Variants in LPCAT2 observed in about 807,000 individuals in gnomAD.
LPCAT2 encodes lysophosphatidylcholine acyltransferase 2.
LPCAT2 carries 58 observed loss-of-function variants against 64.7 expected under a neutral mutation model. That is an observed-to-expected ratio of 0.90 (90% CI 0.73 to 1.12). The LOEUF (loss-of-function observed/expected upper bound fraction) is 1.12, where lower values mean the gene tolerates loss of function less well. LPCAT2 is among the 50% of genes most tolerant of loss of function. LPCAT2 has a pLI of 0.00. For synonymous variants in LPCAT2, 252 were observed against 245.3 expected (o/e 1.03, Z -0.26); for missense variants, 579 against 669.8 (o/e 0.86, Z 1.50).
At chr16:55,544,324 A>C (rs1305273893) in intron 8 of LPCAT2, among the ~76,000 whole-genome samples, 2 of 152,200 alleles carry the variant, frequency 1.3e-5, no homozygotes, top group Non-Finnish European at 2.9e-5. Context: ...AATTGTTTAG[A>C]GAGTTAATCA....
At position 55,550,969 on chromosome 16, in the gene LPCAT2, G is replaced by T; in HGVS notation, c.1082G>T (p.Arg361Leu). 6.2e-7 allele frequency: 1 copy of T among 1,602,186 alleles called. No individual in the cohort carries two copies. Among genetic ancestry groups the T allele is most frequent in the Non-Finnish European group, 8.5e-7 (1 of 1,172,180 alleles). Residue 361 changes from arginine to leucine, a missense_variant, in exon 11 of 14, where the codon CGT (arginine) becomes CTT (leucine). Arg to Leu is a moderately radical substitution (Grantham distance 102). Transcript: ENST00000262134. ...RKLKLDWDGV[R>L]KHLDEYASIA... Reference sequence around the variant, plus strand: ...TTTAGATTAGATTGGGATGGTGTTCGTAAGCATTTGGATGAATATGCATCT... The same window carrying T: ...TTTAGATTAGATTGGGATGGTGTTCTTAAGCATTTGGATGAATATGCATCT...
intron 10 of LPCAT2, among the ~76,000 whole-genome samples, chr16:55,550,682 G>A (rs890368965): frequency 6.6e-6 from 1 of 152,170 alleles, no homozygotes; most frequent in Non-Finnish European, 1.5e-5. Flanking sequence ...TTGGGAGGCC[G>A]AGGCAGGCGG....
chr16:55,535,503 A>G (rs1446904017), intron 7 of LPCAT2, among the ~76,000 whole-genome samples: 1 of 152,214 alleles, frequency 6.6e-6, no homozygotes, highest in African/African-American at 2.4e-5. Flanking sequence ...AATTGAAGAT[A>G]CACAAATAAC....
intron 11 of LPCAT2, among the ~76,000 whole-genome samples, chr16:55,552,760 G>A (rs1020190409): frequency 1.3e-5 from 2 of 152,176 alleles, no homozygotes; most frequent in Non-Finnish European, 2.9e-5. Context: ...TAAAAAATGT[G>A]AGCAATCATC....
intron 7 of LPCAT2, among the ~76,000 whole-genome samples, chr16:55,535,097 G>A (rs772830518): frequency 3.3e-5 from 5 of 152,088 alleles, no homozygotes; most frequent in Non-Finnish European, 5.9e-5. Context: ...TCTCAAGATC[G>A]TTTGTTTAGT....
chr16:55,541,224 T>A (rs1459079769), intron 8 of LPCAT2: 4 of 152,144 alleles, frequency 2.6e-5, no homozygotes, highest in African/African-American at 9.7e-5. Context: ...GAGCTTATAG[T>A]GGCTAGCATT....
At chr16:55,552,585 G>A (rs907757315) in intron 11 of LPCAT2, among the ~76,000 whole-genome samples, 2 of 152,190 alleles carry the variant, frequency 1.3e-5, no homozygotes, top group African/African-American at 2.4e-5. Flanking sequence ...TTTGGTTCTA[G>A]CACTGCAATA....
At position 55,509,172 on chromosome 16, in the gene LPCAT2, C is replaced by T. The variant is rs535026470; in HGVS notation, c.-10C>T. On this transcript the variant is annotated 5_prime_UTR_variant, in exon 1 of 14. Transcript: ENST00000262134. ...GATCGCTTCGGCCGGGTTCTACGCC[C>T]GGCTCAACTATGAGCCGGTGCGCCC... 9 of 1,344,758 alleles carry T rather than the reference C, an allele frequency of 6.7e-6. No homozygotes were observed. The highest frequency in any genetic ancestry group is 2.0e-4 in the Middle Eastern group (1 of 4,948). The allele number at this position is 1,344,758 out of a possible 1,614,324, so 83.3% of individuals were successfully genotyped here.
intron 1 of LPCAT2, among the ~76,000 whole-genome samples, chr16:55,511,538 T>C (rs1962932192): frequency 6.6e-6 from 1 of 152,152 alleles, no homozygotes; most frequent in South Asian, 2.1e-4. Flanking sequence ...AACAAACAAG[T>C]ACAAAAATAT....
intron 13 of LPCAT2, among the ~76,000 whole-genome samples, chr16:55,581,946 A>G (rs1292204545): frequency 9.2e-5 from 14 of 152,186 alleles, no homozygotes; most frequent in African/African-American, 3.1e-4. Flanking sequence ...TGGTATGATT[A>G]TTATATATTG....
chr16:55,571,787 C>T (rs1283952772), intron 11 of LPCAT2, among the ~76,000 whole-genome samples: 1 of 152,226 alleles, frequency 6.6e-6, no homozygotes, highest in East Asian at 1.9e-4. Context: ...TTTTGGGGTA[C>T]ATTTTATCAA....
intron 9 of LPCAT2, among the ~76,000 whole-genome samples, chr16:55,547,020 G>A (rs1359776079): frequency 3.9e-5 from 6 of 152,206 alleles, no homozygotes; most frequent in East Asian, 1.9e-4. Context: ...TATGGCAAGC[G>A]CCTGTAATCC....
intron 7 of LPCAT2, 141 bp downstream of exon 7, chr16:55,534,618 C>T (rs1275000623): frequency 4.5e-6 from 2 of 444,316 alleles, no homozygotes; most frequent in East Asian, 8.3e-5. Context: ...TGATCAGAGC[C>T]CTAAGTCTTA....
chr16:55,557,990 G>C (rs1255058230), intron 11 of LPCAT2, among the ~76,000 whole-genome samples: 1 of 152,106 alleles, frequency 6.6e-6, no homozygotes, highest in Non-Finnish European at 1.5e-5. Context: ...AATTTCCTTT[G>C]GAAAGGTCTC....
chr16:55,561,269 T>A (rs1455940558), intron 11 of LPCAT2, among the ~76,000 whole-genome samples: 1 of 152,048 alleles, frequency 6.6e-6, no homozygotes, highest in Non-Finnish European at 1.5e-5. Context: ...ATAATGTTTT[T>A]AATAACATTG....
intron 12 of LPCAT2, among the ~76,000 whole-genome samples, chr16:55,576,193 T>TTC (rs1963825894): frequency 6.6e-6 from 1 of 151,854 alleles, no homozygotes; most frequent in South Asian, 2.1e-4. Context: ...AGCTTTTTTT[T>TTC]TTTTTCAGTA....
rs376744459 is a variant in LPCAT2 at position 55,565,885 on chromosome 16, A to G, written c.1216-8746A>G. ...GTGTATTTTATCACAATTTTAAAAC[A>G]TTTAACATTTTTATAATGAAAAAGG... On this transcript the variant is annotated intron_variant, in intron 11 of 13. Transcript: ENST00000262134. Among the ~76,000 whole-genome samples the G allele has an allele frequency of 9.8e-5, 15 of 152,292 alleles. No individual in the cohort carries two copies. In the South Asian group the frequency reaches 2.9e-3, roughly 29 times the overall value.
intron 1 of LPCAT2, among the ~76,000 whole-genome samples, chr16:55,520,597 G>A (rs1434361499): frequency 6.6e-6 from 1 of 151,834 alleles, no homozygotes; most frequent in African/African-American, 2.4e-5. Flanking sequence ...TACCGACATA[G>A]ACCAAATGCT....
intron 1 of LPCAT2, among the ~76,000 whole-genome samples, chr16:55,516,341 G>A (rs998536233): frequency 1.2e-4 from 18 of 152,292 alleles, no homozygotes; most frequent in Admixed American, 7.2e-4. Context: ...CTGGGCTCAA[G>A]CAGTCTTTCC....
Sources: allele counts gnomAD v4.1 joint callset (sites outside exome capture counted in the v4.1 genomes callset), GRCh38; gene constraint gnomAD v4.1.1; transcripts MANE v1.5; gene names NCBI Gene and HGNC (gene_info 2026-07-23, HGNC 2026-07-21).